TMC8: variants seen among roughly 807,000 people sequenced by gnomAD.
TMC8 encodes the protein transmembrane channel-like protein 8.
Under a neutral mutation model 76.0 loss-of-function variants are expected in TMC8, and 71 were observed. That is an observed-to-expected ratio of 0.93 (90% CI 0.77 to 1.14). TMC8 has a LOEUF of 1.14. Ranked by LOEUF, TMC8 falls within the 50% of genes most tolerant of loss-of-function variation. The probability of loss-of-function intolerance (pLI) is 0.00; values close to 1 mark genes in which losing one functional copy is unlikely to be tolerated. For missense variants in TMC8, 924 were observed against 947.9 expected (o/e 0.97, Z 0.33); for synonymous variants, 433 against 433.8 (o/e 1.00, Z 0.02).
chr17:78,133,239 A>T (rs1303703446), intron 5 of TMC8, among the ~76,000 whole-genome samples, 167 bp from the exon 6 acceptor site: 2 of 152,146 alleles, frequency 1.3e-5, no homozygotes, highest in Non-Finnish European at 2.9e-5. Context: ...TATTTCTCAA[A>T]GCCCTGTGAC....
chr17:78,132,515 G>T lies in TMC8; in HGVS notation c.448+7G>T, dbSNP rs2075040519. ...GGCCCCACCCTGAACTTGAGTGAGT[G>T]TGAGGCCCACCAGGGGAAGTGCTCC... On this transcript the variant is annotated splice_region_variant and intron_variant, in intron 4 of 15. Transcript: ENST00000318430. 6.2e-7 allele frequency: 1 copy of T among 1,607,608 alleles called. No individual in the cohort carries two copies. The highest frequency in any genetic ancestry group is 1.7e-5 in the Admixed American group (1 of 59,470).
chr17:78,133,500 C>T lies in TMC8; in HGVS notation c.626C>T (p.Pro209Leu), dbSNP rs760578642. The change falls in exon 6 of 16, where the codon CCG (proline) becomes CTG (leucine). Residue 209 changes from proline (P) to leucine (L), a missense_variant. By Grantham distance (98) the Pro-to-Leu change is moderately conservative (BLOSUM62 -3). Transcript: ENST00000318430. Reference protein sequence around the residue: ...YSIRLAYLLSPLACLLLCFCG... With the variant: ...YSIRLAYLLSLLACLLLCFCG... ...ATCCGCCTGGCCTACCTCCTCAGCC[C>T]GCTGGCCTGCCTGCTCCTCTGCTTC... The T allele has an allele frequency of 5.6e-6, 9 of 1,613,464 alleles. No homozygotes were observed. The highest frequency in any genetic ancestry group is 1.6e-4 in the Middle Eastern group (1 of 6,084).
At position 78,139,127 on chromosome 17, in the gene TMC8, G is replaced by T. The variant is rs763959627; in HGVS notation, c.1824-35G>T. On this transcript the variant is annotated intron_variant, in intron 14 of 15. Transcript: ENST00000318430. The stretch of plus-strand genomic sequence containing the variant: ...TCAGGGAGAGGCGCCTGTGGCCCCA[G>T]GGGCAACTGACCACGAATCCCCTTC... 11 of 1,611,598 alleles carry T rather than the reference G, an allele frequency of 6.8e-6. No homozygotes were observed. The Admixed American group carries it at 1.3e-4, about 20-fold the overall frequency.
Position 78,131,732 on chromosome 17 carries a change from C to T in TMC8, c.144C>T (p.Leu48=), listed in dbSNP as rs370228742. 17 of 1,583,160 alleles carry T rather than the reference C, an allele frequency of 1.1e-5. No individual in the cohort carries two copies. The highest frequency in any genetic ancestry group is 4.0e-5 in the African/African-American group (3 of 74,486). ...GLPYAMMDKR[L]IWQLREPAGV... ...CCTATGCCATGATGGACAAGCGCCT[C>T]ATCTGGTGGGTGCCACGCGGGCGCC... is the stretch of plus-strand genomic sequence containing the variant. Residue 48 remains leucine (L), a synonymous_variant, in exon 2 of 16, where the codon CTC becomes CTT. Transcript: ENST00000318430.
rs371011185 is a variant in TMC8 at position 78,137,693 on chromosome 17, G to A, written c.1252-24G>A. The A allele has an allele frequency of 4.3e-5, 69 of 1,604,074 alleles. No individual in the cohort carries two copies. In the African/African-American group the frequency reaches 5.1e-4, roughly 12 times the overall value. ...GGCCGGGGTGGCCGTGAGTGGTGACGGGTCCCCTTCCCCTGCACCCCAGTG... is the reference window on the plus strand; with the variant it reads ...GGCCGGGGTGGCCGTGAGTGGTGACAGGTCCCCTTCCCCTGCACCCCAGTG... On this transcript the variant is annotated intron_variant, in intron 10 of 15. Transcript: ENST00000318430.
At chr17:78,140,597 C>T (rs1310109162) in intron 15 of TMC8, among the ~76,000 whole-genome samples, 2 of 148,832 alleles carry the variant, frequency 1.3e-5, no homozygotes, top group Non-Finnish European at 3.0e-5. Flanking sequence ...CATCTGGCTG[C>T]GTTGTGGACG....
Position 78,134,417 on chromosome 17 carries a change from C to T in TMC8, c.840C>T (p.Arg280=). 6.2e-7 allele frequency: 1 copy of T among 1,612,874 alleles called. No homozygotes were observed. Among genetic ancestry groups the T allele is most frequent in the Non-Finnish European group, 8.5e-7 (1 of 1,180,034 alleles). Residue 280 remains arginine (R), a synonymous_variant, in exon 8 of 16, where the codon CGC becomes CGT. Transcript: ENST00000318430. The part of the protein sequence containing the change: ...EFKVELEEGR[R]FQLMQQQTRA... ...AGGTGGAGCTGGAGGAGGGCCGTCGCTTCCAGCTGATGCAGCAGCAGACCC... is the reference window on the plus strand; with the variant it reads ...AGGTGGAGCTGGAGGAGGGCCGTCGTTTCCAGCTGATGCAGCAGCAGACCC...
rs560274584 is a variant in TMC8 at position 78,138,018 on chromosome 17, C to G, written c.1363C>G (p.Arg455Gly). Reference sequence around the variant, plus strand: ...CCATCCCTGCAGGCTGCTGGTGGACCGGTTCTCAGGCCGGTTCTGGGCCTG... The same window carrying G: ...CCATCCCTGCAGGCTGCTGGTGGACGGGTTCTCAGGCCGGTTCTGGGCCTG... ...VTLPRRLLVD[R>G]FSGRFWAWLE... The change falls in exon 12 of 16, where the codon CGG becomes GGG. Residue 455 changes from arginine (R) to glycine (G), a missense_variant. Arg to Gly is a moderately radical substitution (Grantham distance 125). Transcript: ENST00000318430. 2 of 1,613,834 alleles carry G rather than the reference C, an allele frequency of 1.2e-6. No homozygotes were observed. Among genetic ancestry groups the G allele is most frequent in the Non-Finnish European group, 8.5e-7 (1 of 1,180,018 alleles).
chr17:78,137,405 A>G (rs1271534314), intron 10 of TMC8, 47 bp downstream of exon 10: 6 of 1,612,526 alleles, frequency 3.7e-6, no homozygotes, highest in East Asian at 2.2e-5. Flanking sequence ...CTTCTCCCCA[A>G]AAAGCTCACC....
At position 78,133,497 on chromosome 17, in the gene TMC8, GC is replaced by G; in HGVS notation, c.626del (p.Pro209ArgfsTer17). The G allele has an allele frequency of 1.2e-6, 2 of 1,613,580 alleles. No individual in the cohort carries two copies. The highest frequency in any genetic ancestry group is 1.7e-6 in the Non-Finnish European group (2 of 1,180,036). On this transcript the variant is annotated frameshift_variant, in exon 6 of 16. Transcript: ENST00000318430. LOFTEE classifies it high-confidence loss of function. Reference protein sequence around the residue: ...VYSIRLAYLLSPLACLLLCFC... With the variant: ...VYSIRLAYLLXPLACLLLCFC... ...AGCATCCGCCTGGCCTACCTCCTCA[GC>G]CCGCTGGCCTGCCTGCTCCTCTGCT...
At position 78,142,342 on chromosome 17, in the gene TMC8, G is replaced by C. The variant is rs2075386588; in HGVS notation, c.*1230G>C. ...TCAGGAGGGAAGGTCAGAAGTCCCAGGATGCACTTGAAAAGCCTCTAGCTC... is the reference window on the plus strand; with the variant it reads ...TCAGGAGGGAAGGTCAGAAGTCCCACGATGCACTTGAAAAGCCTCTAGCTC... On this transcript the variant is annotated 3_prime_UTR_variant, in exon 16 of 16. Transcript: ENST00000318430. 1 of 152,252 alleles carries C rather than the reference G, an allele frequency of 6.6e-6. No individual in the cohort carries two copies. Among genetic ancestry groups the C allele is most frequent in the African/African-American group, 2.4e-5 (1 of 41,456 alleles). The allele number at this position is 152,252 out of a possible 1,614,324, so 9.4% of individuals were successfully genotyped here.
At chr17:78,133,128 G>A (rs536857476) in intron 5 of TMC8, among the ~76,000 whole-genome samples, 1 of 144,784 alleles carries the variant, frequency 6.9e-6, no homozygotes, top group East Asian at 2.0e-4. Flanking sequence ...GGGACAAAGG[G>A]GGAAAAGTGC....
chr17:78,134,650 G>A, intron 8 of TMC8, 86 bp downstream of exon 8: 6 of 1,569,374 alleles, frequency 3.8e-6, no homozygotes, highest in Non-Finnish European at 4.3e-6. Context: ...AGGAAACCGA[G>A]GCTCAGAGAG....
At position 78,140,906 on chromosome 17, in the gene TMC8, C is replaced by T; in HGVS notation, c.1975C>T (p.Pro659Ser). The T allele has an allele frequency of 6.2e-7, 1 of 1,607,472 alleles. No homozygotes were observed. The highest frequency in any genetic ancestry group is 8.5e-7 in the Non-Finnish European group (1 of 1,177,714). The change falls in exon 16 of 16, where the codon CCG (proline) becomes TCG (serine). Residue 659 changes from proline (P) to serine (S), a missense_variant. By Grantham distance (74) the Pro-to-Ser change is moderately conservative. Transcript: ENST00000318430. ...LLPEPGPSDS[P>S]GPKYPASQAS... ...GCCGGAGCCAGGCCCGAGCGACTCT[C>T]CGGGCCCCAAGTACCCTGCCTCCCA...
intron 15 of TMC8, among the ~76,000 whole-genome samples, chr17:78,140,555 C>T (rs1199146193): frequency 1.3e-5 from 2 of 150,568 alleles, no homozygotes; most frequent in Admixed American, 1.3e-4. Context: ...CCTTGGAGGT[C>T]GTGGTCTCGG....
Position 78,133,943 on chromosome 17 carries a change from C to T in TMC8, c.759C>T (p.Cys253=). ...SAKVFSSWDF[C]IRVQEAATIK... is the part of the protein sequence containing the mutation. ...AGGTCTTCTCCTCATGGGACTTCTGCATCCGGGTGCAGGAAGCAGCCACCA... is the reference window on the plus strand; with the variant it reads ...AGGTCTTCTCCTCATGGGACTTCTGTATCCGGGTGCAGGAAGCAGCCACCA... Residue 253 remains cysteine, a synonymous_variant, in exon 7 of 16, where the codon TGC becomes TGT. Transcript: ENST00000318430. The T allele has an allele frequency of 2.5e-6, 4 of 1,613,650 alleles. No homozygotes were observed. Among genetic ancestry groups the T allele is most frequent in the Non-Finnish European group, 2.5e-6 (3 of 1,180,038 alleles).
intron 4 of TMC8, 134 bp downstream of exon 4, chr17:78,132,642 A>T: frequency 2.7e-6 from 4 of 1,495,542 alleles, no homozygotes; most frequent in Middle Eastern, 3.6e-4. Context: ...TCTCTCCCTG[A>T]CCTCGCCTTG....
intron 9 of TMC8, among the ~76,000 whole-genome samples, chr17:78,136,134 T>C (rs2075222541): frequency 6.6e-6 from 1 of 152,132 alleles, no homozygotes; most frequent in Non-Finnish European, 1.5e-5. Context: ...AGCCACTCTG[T>C]AGCCCCATAT....
intron 9 of TMC8, among the ~76,000 whole-genome samples, chr17:78,135,866 C>G (rs538050664): frequency 2.6e-5 from 4 of 152,202 alleles, no homozygotes; most frequent in Admixed American, 6.5e-5. Context: ...CCAGCCTGGC[C>G]AACATGGTGA....
Sources: gnomAD v4.1 joint callset for allele counts (sites outside exome capture counted in the v4.1 genomes callset) on GRCh38, gnomAD v4.1.1 for gene constraint, MANE v1.5 for transcripts, NCBI Gene and HGNC (gene_info 2026-07-23, HGNC 2026-07-21) for gene names.